Variants in GRIA2 observed in about 807,000 individuals in gnomAD.
GRIA2 encodes the protein glutamate receptor 2.
In GRIA2, 14 loss-of-function variants were observed where a neutral mutation model predicts 97.3. That is an observed-to-expected ratio of 0.14 (90% CI 0.10 to 0.23). GRIA2 has a LOEUF of 0.23. Ranked by LOEUF, GRIA2 falls within the 10% of genes least tolerant of loss-of-function variation. The probability of loss-of-function intolerance (pLI) is 1.00; values close to 1 mark genes in which losing one functional copy is unlikely to be tolerated. For missense variants in GRIA2, 558 were observed against 1,069.8 expected (o/e 0.52, Z 6.67); for synonymous variants, 412 against 387.8 (o/e 1.06, Z -0.73).
intron 2 of GRIA2, among the ~76,000 whole-genome samples, chr4:157,249,146 T>C (rs755856075): frequency 1.3e-5 from 2 of 152,096 alleles, no homozygotes; most frequent in Non-Finnish European, 2.9e-5. Context: ...ACAAATATTT[T>C]CAATACCTCA....
chr4:157,242,956 T>A (rs1730572045), intron 2 of GRIA2, among the ~76,000 whole-genome samples: 1 of 152,122 alleles, frequency 6.6e-6, no homozygotes, highest in South Asian at 2.1e-4. Context: ...CAGCAATTCC[T>A]ATCTATGCTT....
intron 2 of GRIA2, among the ~76,000 whole-genome samples, chr4:157,262,078 T>C (rs534546582): frequency 1.8e-4 from 28 of 152,216 alleles, no homozygotes; most frequent in Non-Finnish European, 3.5e-4. Flanking sequence ...ACTTGTTAAT[T>C]TTTTAATGAC....
At chr4:157,290,962 G>C (rs1156702753) in intron 2 of GRIA2, among the ~76,000 whole-genome samples, 1 of 151,888 alleles carries the variant, frequency 6.6e-6, no homozygotes, top group Non-Finnish European at 1.5e-5. Flanking sequence ...TTTATATACA[G>C]AAGTGCATAT....
intron 2 of GRIA2, among the ~76,000 whole-genome samples, chr4:157,240,362 A>G (rs1293754399): frequency 1.3e-5 from 2 of 152,144 alleles, no homozygotes; most frequent in South Asian, 2.1e-4. Flanking sequence ...TGGAGCAATT[A>G]ATCTAGGTTT....
At chr4:157,355,618 T>TTATA (rs1174101675) in intron 12 of GRIA2, among the ~76,000 whole-genome samples, 1 of 139,506 alleles carries the variant, frequency 7.2e-6, no homozygotes, top group Non-Finnish European at 1.5e-5. Flanking sequence ...ATATATTTAT[T>TTATA]TATATATATT....
In GRIA2 at chr4:157,321,553, C is replaced by A; in HGVS notation, c.836C>A (p.Thr279Lys). 1.2e-6 allele frequency: 2 copies of A among 1,609,840 alleles called. No individual in the cohort carries two copies. The highest frequency in any genetic ancestry group is 1.7e-6 in the Non-Finnish European group (2 of 1,176,370). The change falls in exon 6 of 16, where the codon ACA becomes AAA. Residue 279 changes from threonine to lysine, a missense_variant. By Grantham distance (78) the Thr-to-Lys change is moderately conservative. Coordinates refer to ENST00000264426, the MANE Select transcript of GRIA2 (RefSeq NM_001083619.3). ...LVSKFIERWS[T>K]LEEKEYPGAH... The stretch of plus-strand genomic sequence containing the variant: ...TCTAAATTTATAGAAAGATGGTCAA[C>A]ACTGGAAGAAAAAGAATACCCTGGA...
chr4:157,352,857 G>C (rs997941047), intron 12 of GRIA2, among the ~76,000 whole-genome samples: 1 of 151,828 alleles, frequency 6.6e-6, no homozygotes, highest in Non-Finnish European at 1.5e-5. Flanking sequence ...ATTTGAATTT[G>C]AGACCAGCCT....
intron 12 of GRIA2, among the ~76,000 whole-genome samples, chr4:157,352,610 T>C (rs946759584): frequency 1.0e-4 from 15 of 149,656 alleles, no homozygotes; most frequent in African/African-American, 3.7e-4. Context: ...ATCCTAACTA[T>C]TCCGGACACT....
chr4:157,276,685 A>G (rs553474314), intron 2 of GRIA2, among the ~76,000 whole-genome samples: 1 of 151,978 alleles, frequency 6.6e-6, no homozygotes. Context: ...AAATGCTAAT[A>G]TAAAAAATGA....
rs192614714 is a variant in GRIA2, at chr4:157,247,234, C to T, written c.229+25427C>T. On this transcript the variant is annotated intron_variant, in intron 2 of 15. Transcript: ENST00000264426. ...AAAACTCAGATTCATCATCTCCCAA[C>T]ATATTGCAAAGATACTAGGAGAACA... Among the ~76,000 whole-genome samples the T allele has an allele frequency of 5.3e-5, 8 of 152,264 alleles. No homozygotes were observed. In the East Asian group the frequency reaches 1.4e-3, roughly 26 times the overall value.
chr4:157,353,648 A>G (rs1309290096), intron 12 of GRIA2, among the ~76,000 whole-genome samples: 1 of 152,134 alleles, frequency 6.6e-6, no homozygotes, highest in Non-Finnish European at 1.5e-5. Flanking sequence ...GAGCCACTGC[A>G]CTCCAGCCTG....
intron 2 of GRIA2, among the ~76,000 whole-genome samples, chr4:157,286,037 C>A (rs1368997989): frequency 6.6e-6 from 1 of 151,464 alleles, no homozygotes; most frequent in Non-Finnish European, 1.5e-5. Context: ...GAAATTAAAA[C>A]AAGAATAGCT....
Position 157,324,692 on chromosome 4 carries a change from G to A in GRIA2, c.882+3093G>A, listed in dbSNP as rs1304057115. Among the ~76,000 whole-genome samples the A allele has an allele frequency of 2.0e-5, 3 of 151,834 alleles. No homozygotes were observed. In the East Asian group the frequency reaches 5.8e-4, roughly 29 times the overall value. On this transcript the variant is annotated intron_variant, in intron 6 of 15. Transcript: ENST00000264426. The stretch of plus-strand genomic sequence containing the variant: ...AATATTTGGGACCAGTGAGGAGGGA[G>A]GTCATGTTATGGAAGTTGCAAGAGG...
At chr4:157,356,055 ATATATTTATATATT>A (rs1736335725) in intron 12 of GRIA2, among the ~76,000 whole-genome samples, 1 of 108,422 alleles carries the variant, frequency 9.2e-6, no homozygotes, top group Non-Finnish European at 1.7e-5. Context: ...ATGTATTTAT[ATATATTTATATATT>A]TATATTTATT....
chr4:157,243,847 T>C (rs796423848), intron 2 of GRIA2, among the ~76,000 whole-genome samples: 5 of 151,992 alleles, frequency 3.3e-5, no homozygotes, highest in African/African-American at 1.2e-4. Context: ...TCCTAAGCTC[T>C]GAGGGGCAGA....
At chr4:157,283,058 C>G (rs1274585208) in intron 2 of GRIA2, among the ~76,000 whole-genome samples, 1 of 152,008 alleles carries the variant, frequency 6.6e-6, no homozygotes, top group South Asian at 2.1e-4. Flanking sequence ...ATTGAAATAT[C>G]TACCTCTAGA....
rs1252874569 is a variant in GRIA2, at chr4:157,363,632, G to A, written c.*201G>A. 8.5e-7 allele frequency: 1 copy of A among 1,182,076 alleles called. No homozygotes were observed. The highest frequency in any genetic ancestry group is 4.2e-5 in the Admixed American group (1 of 23,612). The allele number at this position is 1,182,076 out of a possible 1,614,324, so 73.2% of individuals were successfully genotyped here. ...GAACCTTTTGAGTGCCTTACACAATGGTTTTCTTGTGTGTTTATTGTCAAA... is the reference window on the plus strand; with the variant it reads ...GAACCTTTTGAGTGCCTTACACAATAGTTTTCTTGTGTGTTTATTGTCAAA... On this transcript the variant is annotated 3_prime_UTR_variant, in exon 16 of 16. Transcript: ENST00000264426.
rs751351147 is a variant in GRIA2, at chr4:157,324,678, C to T, written c.882+3079C>T. Reference sequence around the variant, plus strand: ...ACTGCAAAAATGTAAATATTTGGGACCAGTGAGGAGGGAGGTCATGTTATG... The same window carrying T: ...ACTGCAAAAATGTAAATATTTGGGATCAGTGAGGAGGGAGGTCATGTTATG... On this transcript the variant is annotated intron_variant, in intron 6 of 15. Coordinates refer to ENST00000264426, the MANE Select transcript of GRIA2 (RefSeq NM_001083619.3). Among the ~76,000 whole-genome samples, 10 of 151,876 alleles carry T rather than the reference C, an allele frequency of 6.6e-5. No homozygotes were observed. In the South Asian group the frequency reaches 8.3e-4, roughly 13 times the overall value.
chr4:157,237,100 T>A (rs10011589), intron 2 of GRIA2, among the ~76,000 whole-genome samples: 30,645 of 151,802 alleles, frequency 0.2, 3,244 homozygotes, highest in African/African-American at 0.25. Context: ...TTATTTTTTT[T>A]AAAAAACTGC....
Sources: gnomAD v4.1 joint callset for allele counts (sites outside exome capture counted in the v4.1 genomes callset) on GRCh38, gnomAD v4.1.1 for gene constraint, MANE v1.5 for transcripts, NCBI Gene and HGNC (gene_info 2026-07-23, HGNC 2026-07-21) for gene names.